RYR3: variants seen among roughly 807,000 people sequenced by gnomAD.
RYR3 encodes brain ryanodine receptor-calcium release channel.
In RYR3, 207 loss-of-function variants were observed where a neutral mutation model predicts 584.3. The ratio of observed to expected loss-of-function variants is 0.35; its 90% CI spans 0.32 to 0.40. The LOEUF is 0.40. RYR3 is among the 10% of genes least tolerant of loss of function. The pLI is 1.00. For missense variants in RYR3, 5,616 were observed against 6,089.2 expected, an observed-to-expected ratio of 0.92 and a Z score of 2.59; for synonymous variants, 2,416 against 2,248.5, an observed-to-expected ratio of 1.07 and a Z score of -2.11.
chr15:33,459,604 G>A (rs1439949116), intron 1 of RYR3, among the ~76,000 whole-genome samples: 1 of 152,156 alleles, frequency 6.6e-6, no homozygotes, highest in Non-Finnish European at 1.5e-5. Context: ...CAAGATGCTG[G>A]AGACCTGGGC....
chr15:33,815,847 A>G (rs933421467), intron 74 of RYR3: 1 of 398,572 alleles, frequency 2.5e-6, no homozygotes, highest in East Asian at 3.6e-5. Flanking sequence ...CAAAATTAAT[A>G]ATTTCTTCCT....
chr15:33,446,870 A>G (rs1460446136), intron 1 of RYR3, among the ~76,000 whole-genome samples: 3 of 152,180 alleles, frequency 2.0e-5, no homozygotes, highest in East Asian at 3.8e-4. Context: ...TCTCTTACAT[A>G]TATTGTAGAA....
chr15:33,721,324 C>T (rs535786308), intron 43 of RYR3, among the ~76,000 whole-genome samples: 8 of 152,306 alleles, frequency 5.3e-5, no homozygotes, highest in East Asian at 3.9e-4. Context: ...CTTCGGAAGA[C>T]GGCAGCTGCC....
At chr15:33,604,291 G>T (rs1842867384) in intron 18 of RYR3, among the ~76,000 whole-genome samples, 1 of 152,214 alleles carries the variant, frequency 6.6e-6, no homozygotes, top group South Asian at 2.1e-4. Context: ...GTAACTGGTA[G>T]CTACATAACT....
In RYR3 at chr15:33,845,071, T is replaced by A; in HGVS notation, c.13497+9T>A. On this transcript the variant is annotated intron_variant, in intron 93 of 103. Transcript: ENST00000634891. ...GCTACTACTGCCTGAAGGTGAGCTG[T>A]TTGCCACTCTGGATCTAATCTCACT... 1 of 1,613,436 alleles carries A rather than the reference T, an allele frequency of 6.2e-7. No homozygotes were observed. The highest frequency in any genetic ancestry group is 8.5e-7 in the Non-Finnish European group (1 of 1,179,566).
intron 19 of RYR3, among the ~76,000 whole-genome samples, chr15:33,623,248 C>T (rs1006581354): frequency 6.6e-6 from 1 of 152,222 alleles, no homozygotes; most frequent in Non-Finnish European, 1.5e-5. Flanking sequence ...GCGGTCTCCA[C>T]AGTGTAACAT....
chr15:33,763,904 A>AAAAAAAAAAAAAAAAAAC (rs1567121773), intron 60 of RYR3, among the ~76,000 whole-genome samples: 26 of 130,644 alleles, frequency 2.0e-4, no homozygotes, highest in African/African-American at 8.2e-4. Flanking sequence ...AAAAAAAAAA[A>AAAAAAAAAAAAAAAAAAC]AAAAAAAAAA....
At chr15:33,489,940 A>C (rs201199170) in intron 2 of RYR3, among the ~76,000 whole-genome samples, 1 of 26,552 alleles carries the variant, frequency 3.8e-5, no homozygotes, top group East Asian at 9.9e-4. Flanking sequence ...TTCATTCCTT[A>C]AAGTTTCATT....
At chr15:33,520,072 A>C (rs2053864471) in intron 3 of RYR3, among the ~76,000 whole-genome samples, 1 of 152,224 alleles carries the variant, frequency 6.6e-6, no homozygotes, top group African/African-American at 2.4e-5. Flanking sequence ...GGGGGAAAAA[A>C]CCCCATGTAA....
intron 3 of RYR3, among the ~76,000 whole-genome samples, chr15:33,525,283 G>A (rs2054305909): frequency 6.6e-6 from 1 of 152,146 alleles, no homozygotes; most frequent in African/African-American, 2.4e-5. Flanking sequence ...TGGACTGTCT[G>A]TATTGTGCCA....
intron 99 of RYR3, 34 bp downstream of exon 99, chr15:33,857,948 C>A (rs769154833): frequency 2.4e-5 from 39 of 1,610,188 alleles, no homozygotes; most frequent in Admixed American, 1.0e-4. Flanking sequence ...CCAGCCCACC[C>A]ACTGCGGGGC....
chr15:33,421,249 G>A (rs2044221202), intron 1 of RYR3, among the ~76,000 whole-genome samples: 1 of 152,186 alleles, frequency 6.6e-6, no homozygotes, highest in African/African-American at 2.4e-5. Context: ...CATTGATTGT[G>A]TAAGGTATTT....
chr15:33,695,442 C>T (rs1451567384), intron 38 of RYR3, among the ~76,000 whole-genome samples: 1 of 152,022 alleles, frequency 6.6e-6, no homozygotes, highest in African/African-American at 2.4e-5. Context: ...TCCGTAAAAC[C>T]AGTATGAGCC....
intron 82 of RYR3, among the ~76,000 whole-genome samples, 168 bp from the exon 83 acceptor site, chr15:33,826,084 A>C (rs2152964673): frequency 6.6e-6 from 1 of 152,288 alleles, no homozygotes; most frequent in East Asian, 1.9e-4. Context: ...GTCTTTGCTT[A>C]GTATGCAAGG....
chr15:33,323,118 A>G (rs564295654), intron 1 of RYR3, among the ~76,000 whole-genome samples: 2 of 151,528 alleles, frequency 1.3e-5, no homozygotes, highest in South Asian at 2.1e-4. Flanking sequence ...ATACATATAT[A>G]TTTTTTTCTT....
chr15:33,774,810 T>C (rs1477025422), intron 64 of RYR3, among the ~76,000 whole-genome samples: 1 of 152,220 alleles, frequency 6.6e-6, no homozygotes. Flanking sequence ...GTTTTATCCA[T>C]ATTTTATACC....
chr15:33,600,900 G>C (rs1468963945), intron 16 of RYR3, among the ~76,000 whole-genome samples: 1 of 152,066 alleles, frequency 6.6e-6, no homozygotes, highest in Non-Finnish European at 1.5e-5. Flanking sequence ...ATTTTGTTAA[G>C]ACCTCCGCTA....
intron 1 of RYR3, among the ~76,000 whole-genome samples, chr15:33,463,949 G>T (rs564647071): frequency 1.0e-3 from 155 of 152,282 alleles, no homozygotes; most frequent in African/African-American, 3.5e-3. Context: ...AATCATAAAA[G>T]AATGTAATGA....
At chr15:33,609,638 G>A (rs1054423803) in intron 18 of RYR3, among the ~76,000 whole-genome samples, 2 of 152,186 alleles carry the variant, frequency 1.3e-5, no homozygotes, top group African/African-American at 2.4e-5. Flanking sequence ...GGGTGACAGA[G>A]TAAAACTCTG....
Sources: allele counts gnomAD v4.1 joint callset (sites outside exome capture counted in the v4.1 genomes callset), GRCh38; gene constraint gnomAD v4.1.1; transcripts MANE v1.5; gene names NCBI Gene and HGNC (gene_info 2026-07-23, HGNC 2026-07-21).